GPC6: variants seen among roughly 807,000 people sequenced by gnomAD.
GPC6 encodes the protein glypican 6.
In GPC6, 14 loss-of-function variants were observed where a neutral mutation model predicts 55.2. The ratio of observed to expected loss-of-function variants is 0.25; its 90% CI spans 0.17 to 0.40. GPC6 has a LOEUF of 0.40. Among genes scored for constraint, GPC6 ranks in the 10% least tolerant of loss-of-function variants. The probability of loss-of-function intolerance (pLI) is 1.00; values close to 1 mark genes in which losing one functional copy is unlikely to be tolerated. For synonymous variants in GPC6, 278 were observed against 259.6 expected (o/e 1.07, Z -0.68); for missense variants, 641 against 708.5 (o/e 0.90, Z 1.08).
chr13:94,339,722 A>ATTT (rs946818466), intron 6 of GPC6, among the ~76,000 whole-genome samples: 20 of 135,088 alleles, frequency 1.5e-4, no homozygotes, highest in Admixed American at 1.3e-3. Context: ...AATCTGCACA[A>ATTT]TTTTTAAGTC....
At chr13:94,387,607 A>G (rs1250572239) in intron 7 of GPC6, among the ~76,000 whole-genome samples, 1 of 152,180 alleles carries the variant, frequency 6.6e-6, no homozygotes, top group Admixed American at 6.5e-5. Flanking sequence ...CCGAAAATTC[A>G]TAGTTGAAAT....
chr13:93,423,470 A>G (rs1877003222), intron 1 of GPC6, among the ~76,000 whole-genome samples: 2 of 152,334 alleles, frequency 1.3e-5, no homozygotes, highest in Non-Finnish European at 2.9e-5. Flanking sequence ...CTTTTTATTT[A>G]CATCCAGAAA....
chr13:93,494,488 C>G (rs1594211773), intron 1 of GPC6, among the ~76,000 whole-genome samples: 2 of 152,136 alleles, frequency 1.3e-5, no homozygotes, highest in African/African-American at 4.8e-5. Flanking sequence ...GCTTGCCAGT[C>G]TGTGTCTTTT....
At chr13:93,954,331 T>C (rs977271420) in intron 3 of GPC6, among the ~76,000 whole-genome samples, 1 of 152,228 alleles carries the variant, frequency 6.6e-6, no homozygotes, top group African/African-American at 2.4e-5. Context: ...TTTATTTTTA[T>C]TTTTGACAAG....
chr13:93,884,949 T>C (rs1027223704), intron 3 of GPC6, among the ~76,000 whole-genome samples: 5 of 152,104 alleles, frequency 3.3e-5, no homozygotes, highest in Admixed American at 1.3e-4. Context: ...ATGCATATAT[T>C]CTATGATCTT....
rs563011738 is a variant in GPC6, at chr13:93,385,390, G to A, written c.160+157774G>A. On this transcript the variant is annotated intron_variant, in intron 1 of 8. Transcript: ENST00000377047. ...TGCACAAAAGTAATGGGAAGCCCTT[G>A]ATAGGCTTTAAGCAGAGGGTGACTT... 2.0e-5 allele frequency among the ~76,000 whole-genome samples: 3 copies of A among 152,366 alleles called. No homozygotes were observed. In the East Asian group the frequency reaches 5.8e-4, roughly 29 times the overall value.
At chr13:94,298,134 T>G (rs1054803584) in intron 5 of GPC6, among the ~76,000 whole-genome samples, 5 of 152,316 alleles carry the variant, frequency 3.3e-5, no homozygotes, top group East Asian at 3.9e-4. Context: ...AAGTTTATAT[T>G]CAGGAAACCA....
At chr13:94,346,219 T>C (rs1180185013) in intron 6 of GPC6, among the ~76,000 whole-genome samples, 1 of 152,192 alleles carries the variant, frequency 6.6e-6, no homozygotes, top group East Asian at 1.9e-4. Context: ...GTTCCTGGGA[T>C]TAAGACTTCC....
chr13:93,607,571 A>G (rs1878289240), intron 2 of GPC6, among the ~76,000 whole-genome samples: 1 of 152,192 alleles, frequency 6.6e-6, no homozygotes, highest in South Asian at 2.1e-4. Flanking sequence ...GTATCTCTCT[A>G]ACAGGTAGTG....
chr13:94,007,856 A>G (rs1385504388), intron 3 of GPC6, among the ~76,000 whole-genome samples: 1 of 152,054 alleles, frequency 6.6e-6, no homozygotes, highest in Non-Finnish European at 1.5e-5. Flanking sequence ...TTTTTTCTAC[A>G]TGTGAATCTA....
chr13:94,003,286 C>T (rs1240943080), intron 3 of GPC6, among the ~76,000 whole-genome samples: 2 of 152,128 alleles, frequency 1.3e-5, no homozygotes, highest in African/African-American at 4.8e-5. Flanking sequence ...AAATTGAGCA[C>T]ATAGTCTAAT....
At chr13:94,226,575 C>A (rs1472690912) in intron 4 of GPC6, among the ~76,000 whole-genome samples, 1 of 152,116 alleles carries the variant, frequency 6.6e-6, no homozygotes, top group Non-Finnish European at 1.5e-5. Flanking sequence ...ACCTGAGGCT[C>A]TTTTCTAAGC....
intron 4 of GPC6, among the ~76,000 whole-genome samples, chr13:94,098,124 C>T (rs1356261079): frequency 6.6e-6 from 1 of 152,166 alleles, no homozygotes; most frequent in East Asian, 1.9e-4. Flanking sequence ...AGACATGCTG[C>T]TTATTAAGAA....
At chr13:94,013,319 G>C (rs1242863213) in intron 3 of GPC6, among the ~76,000 whole-genome samples, 1 of 151,784 alleles carries the variant, frequency 6.6e-6, no homozygotes, top group Non-Finnish European at 1.5e-5. Flanking sequence ...TAACTCCTAT[G>C]GCGGTTTTAT....
intron 4 of GPC6, among the ~76,000 whole-genome samples, chr13:94,284,169 C>G (rs970573560): frequency 6.6e-6 from 1 of 152,156 alleles, no homozygotes; most frequent in Non-Finnish European, 1.5e-5. Flanking sequence ...GTGGGCCATG[C>G]AGACCCTCTG....
chr13:93,747,186 T>C (rs1884425433), intron 2 of GPC6, among the ~76,000 whole-genome samples: 1 of 152,054 alleles, frequency 6.6e-6, no homozygotes, highest in South Asian at 2.1e-4. Flanking sequence ...GAAGAAGATA[T>C]ACCTGAGGCA....
In GPC6 at chr13:93,809,671, T is replaced by G. The variant is rs1286950205; in HGVS notation, c.320-20483T>G. The stretch of plus-strand genomic sequence containing the variant: ...CCTCTATTGCCAGTTACAAGCCCCG[T>G]GCAGGAGGCAACTGACAGCTGCCAC... On this transcript the variant is annotated intron_variant, in intron 2 of 8. Transcript: ENST00000377047. Among the ~76,000 whole-genome samples the G allele has an allele frequency of 2.6e-5, 4 of 152,218 alleles. No homozygotes were observed. The East Asian group carries it at 7.7e-4, about 29-fold the overall frequency.
At chr13:93,362,608 A>T (rs1416177007) in intron 1 of GPC6, among the ~76,000 whole-genome samples, 1 of 152,144 alleles carries the variant, frequency 6.6e-6, no homozygotes, top group African/African-American at 2.4e-5. Flanking sequence ...TATTCCAAAT[A>T]AATATGGCTG....
intron 3 of GPC6, among the ~76,000 whole-genome samples, chr13:93,845,572 T>G (rs1888140864): frequency 7.1e-6 from 1 of 141,792 alleles, no homozygotes; most frequent in South Asian, 2.4e-4. Flanking sequence ...AGCAAAGACT[T>G]GGAACCAACC....
Sources: gnomAD v4.1 joint callset for allele counts (sites outside exome capture counted in the v4.1 genomes callset) on GRCh38, gnomAD v4.1.1 for gene constraint, MANE v1.5 for transcripts, NCBI Gene and HGNC (gene_info 2026-07-23, HGNC 2026-07-21) for gene names.